Variants in VPS39 observed in about 807,000 individuals in gnomAD.
VPS39 encodes VPS39 subunit of HOPS complex.
A neutral mutation model predicts 121.0 loss-of-function variants in VPS39; 70 were observed. That is an observed-to-expected ratio of 0.58 (90% confidence interval 0.48 to 0.71). VPS39 has a LOEUF of 0.71. Among genes scored for constraint, VPS39 ranks in the 30% least tolerant of loss-of-function variants. The pLI is 0.00. For missense variants in VPS39, 818 were observed against 1,051.5 expected (o/e 0.78, Z 3.07); for synonymous variants, 378 against 398.1 (o/e 0.95, Z 0.60).
chr15:42,162,978 C>T (rs2049163760), intron 21 of VPS39, among the ~76,000 whole-genome samples: 1 of 152,178 alleles, frequency 6.6e-6, no homozygotes, highest in African/African-American at 2.4e-5. Flanking sequence ...TCTGGAAGCA[C>T]CCCTGTCCTC....
At chr15:42,189,728 CAAAAAAAA>C (rs35437812) in intron 4 of VPS39, among the ~76,000 whole-genome samples, 1 of 71,888 alleles carries the variant, frequency 1.4e-5, no homozygotes, top group South Asian at 7.2e-4. Context: ...GACTCCGTCT[CAAAAAAAA>C]AAAAAAAAAA....
At chr15:42,200,033 T>C in intron 1 of VPS39, 72 bp from the exon 2 acceptor site, 3 of 1,400,844 alleles carry the variant, frequency 2.1e-6, no homozygotes, top group Non-Finnish European at 2.8e-6. Context: ...TCAGCTTGAG[T>C]ATAACCCTAT....
rs757676469 is a variant in VPS39, at chr15:42,163,727, G to A, written c.2028C>T (p.Gly676=). The A allele has an allele frequency of 9.9e-6, 16 of 1,609,286 alleles. 1 individual carries two copies. The South Asian group carries it at 1.8e-4, about 18-fold the overall frequency. The change falls in exon 20 of 25, where the codon GGC becomes GGT. Residue 676 remains glycine (G), a splice_region_variant and synonymous_variant. Coordinates refer to ENST00000318006, the MANE Select transcript of VPS39 (RefSeq NM_015289.5). ...GRLICDFPFD[G]LLEERALLLG... ...ACAGGAGAGCTCGTTCTTCTAAGAG[G>A]CCTAGGAGGAAAAGGAATATGAGGA...
At chr15:42,204,006 G>C (rs2050119277) in intron 1 of VPS39, among the ~76,000 whole-genome samples, 2 of 152,246 alleles carry the variant, frequency 1.3e-5, no homozygotes. Context: ...CTAACCCTGA[G>C]CCACAAGGTT....
chr15:42,162,367 G>C lies in VPS39; in HGVS notation c.2290C>G (p.Leu764Val). ...TCCAGTTTGCTGTGGTGTAGCTCGAGGACCTGCAGAGCGGCCTGGAGGTTG... is the reference window on the plus strand; with the variant it reads ...TCCAGTTTGCTGTGGTGTAGCTCGACGACCTGCAGAGCGGCCTGGAGGTTG... Reference protein sequence around the residue: ...KANLQAALQVLELHHSKLDTT... With the variant: ...KANLQAALQVVELHHSKLDTT... The change falls in exon 22 of 25, where the codon CTC becomes GTC. Residue 764 changes from leucine (L) to valine (V), a missense_variant. Physicochemically the swap from Leu to Val is conservative, Grantham distance 32 (BLOSUM62 1). Transcript: ENST00000318006. 1 of 1,613,504 alleles carries C rather than the reference G, an allele frequency of 6.2e-7. No homozygotes were observed. Among genetic ancestry groups the C allele is most frequent in the Non-Finnish European group, 8.5e-7 (1 of 1,179,704 alleles).
At position 42,162,423 on chromosome 15, in the gene VPS39, G is replaced by A. The variant is rs762210184; in HGVS notation, c.2234C>T (p.Pro745Leu). The part of the protein sequence containing the change: ...LSPPSIHCLG[P>L]IKLELLEPKA... Reference sequence around the variant, plus strand: ...TGGCTCCAGTAGTTCCAGCTTGATTGGCCCCAGGCAGTGAATGCTGGGGGG... The same window carrying A: ...TGGCTCCAGTAGTTCCAGCTTGATTAGCCCCAGGCAGTGAATGCTGGGGGG... Residue 745 changes from proline (P) to leucine (L), a missense_variant, in exon 22 of 25, where the codon CCA becomes CTA. Physicochemically the swap from Pro to Leu is moderately conservative, Grantham distance 98. Transcript: ENST00000318006. 1.2e-5 allele frequency: 20 copies of A among 1,613,526 alleles called. No individual in the cohort carries two copies. The highest frequency in any genetic ancestry group is 1.7e-5 in the Non-Finnish European group (20 of 1,179,688).
intron 2 of VPS39, among the ~76,000 whole-genome samples, chr15:42,197,871 C>T (rs1047762480): frequency 2.6e-5 from 4 of 152,178 alleles, no homozygotes; most frequent in African/African-American, 4.8e-5. Flanking sequence ...CTAATTCACA[C>T]GGGCCCAGGT....
intron 2 of VPS39, among the ~76,000 whole-genome samples, chr15:42,197,335 T>C (rs944919122): frequency 1.6e-5 from 2 of 122,286 alleles, no homozygotes; most frequent in African/African-American, 3.1e-5. Context: ...TTAAAAAGAG[T>C]GGAAAAAAAA....
At position 42,184,624 on chromosome 15, in the gene VPS39, T is replaced by A. The variant is rs1010386264; in HGVS notation, c.611A>T (p.Asp204Val). ...ATCCTGGCCCACAGCCACTTTTCCA[T>A]CTGCCAGAGGTGCAACTAAGGGCTC... ...QLEPLVAPLA[D>V]GKVAVGQDDL... The change falls in exon 8 of 25, where the codon GAT (aspartate) becomes GTT (valine). Residue 204 changes from aspartate to valine, a missense_variant. Physicochemically the swap from Asp to Val is radical, Grantham distance 152. Coordinates refer to ENST00000318006, the MANE Select transcript of VPS39 (RefSeq NM_015289.5). 5 of 1,614,042 alleles carry A rather than the reference T, an allele frequency of 3.1e-6. No homozygotes were observed. The highest frequency in any genetic ancestry group is 1.6e-4 in the Middle Eastern group (1 of 6,082).
At chr15:42,167,003 G>C (rs2049256619) in intron 13 of VPS39, 90 bp from the exon 14 acceptor site, 2 of 1,557,760 alleles carry the variant, frequency 1.3e-6, no homozygotes, top group Non-Finnish European at 1.7e-6. Context: ...GAAAGGCCAG[G>C]AATGTAGCAC....
chr15:42,184,704 T>C lies in VPS39; in HGVS notation c.535-4A>G, dbSNP rs762745233. On this transcript the variant is annotated splice_polypyrimidine_tract_variant and splice_region_variant and intron_variant, in intron 7 of 24. Transcript: ENST00000318006. ...TGATGGACCCCTTTCCATCCACCTA[T>C]AGGAAGAAACAGAGTGAGTCACCTA... 1 of 1,607,336 alleles carries C rather than the reference T, an allele frequency of 6.2e-7. No individual in the cohort carries two copies. The highest frequency in any genetic ancestry group is 1.1e-5 in the South Asian group (1 of 89,844).
intron 24 of VPS39, 21 bp downstream of exon 24, chr15:42,161,661 A>G (rs1037191697): frequency 6.2e-7 from 1 of 1,613,276 alleles, no homozygotes; most frequent in Non-Finnish European, 8.5e-7. Flanking sequence ...CAGATGCCAC[A>G]CAGGTGTGAA....
chr15:42,200,076 T>C, intron 1 of VPS39, 115 bp from the exon 2 acceptor site: 1 of 992,236 alleles, frequency 1.0e-6, no homozygotes, highest in Non-Finnish European at 1.4e-6. Context: ...CAGAAATCAA[T>C]GTGTCAAGAA....
intron 4 of VPS39, among the ~76,000 whole-genome samples, chr15:42,189,819 T>TTTTTTTC (rs376361986): frequency 6.0e-5 from 5 of 82,812 alleles, no homozygotes; most frequent in Non-Finnish European, 9.3e-5. Context: ...TTTTTTTTTT[T>TTTTTTTC]TGAGGCACGG....
chr15:42,171,922 G>A (rs1276103266), intron 11 of VPS39, among the ~76,000 whole-genome samples: 4 of 152,020 alleles, frequency 2.6e-5, no homozygotes, highest in African/African-American at 9.7e-5. Flanking sequence ...AGAAGCAGAG[G>A]GGAGCCAAAC....
chr15:42,204,781 T>C (rs753998003), intron 1 of VPS39, among the ~76,000 whole-genome samples: 2 of 152,198 alleles, frequency 1.3e-5, no homozygotes, highest in Non-Finnish European at 2.9e-5. Context: ...CATTTTATCC[T>C]CTCTTCTCCC....
intron 10 of VPS39, among the ~76,000 whole-genome samples, chr15:42,177,949 G>A (rs916100276): frequency 1.3e-5 from 2 of 152,216 alleles, no homozygotes; most frequent in Non-Finnish European, 2.9e-5. Flanking sequence ...TTACAGGCGT[G>A]AGCCACTGCT....
At chr15:42,170,445 G>A (rs80117022) in intron 11 of VPS39, among the ~76,000 whole-genome samples, 1 of 152,186 alleles carries the variant, frequency 6.6e-6, no homozygotes, top group Non-Finnish European at 1.5e-5. Flanking sequence ...CGAGGCTGCA[G>A]TGAGCTGTGA....
intron 6 of VPS39, 81 bp downstream of exon 6, chr15:42,187,677 G>T: frequency 8.1e-7 from 1 of 1,241,958 alleles, no homozygotes; most frequent in Non-Finnish European, 1.2e-6. Context: ...AGAATGACAA[G>T]ACTGGAGTCC....
Sources: allele counts gnomAD v4.1 joint callset (sites outside exome capture counted in the v4.1 genomes callset), GRCh38; gene constraint gnomAD v4.1.1; transcripts MANE v1.5; gene names NCBI Gene and HGNC (gene_info 2026-07-23, HGNC 2026-07-21).